The following PTPRM variants were observed in gnomAD, a reference collection of about 807,000 sequenced individuals.
PTPRM encodes the protein receptor-type tyrosine-protein phosphatase mu.
In PTPRM, 47 loss-of-function variants were observed where a neutral mutation model predicts 186.7. The ratio of observed to expected loss-of-function variants is 0.25; its 90% CI spans 0.20 to 0.32. The LOEUF (loss-of-function observed/expected upper bound fraction) is 0.32, where lower values mean the gene tolerates loss of function less well. Ranked by LOEUF, PTPRM falls within the 10% of genes least tolerant of loss-of-function variation. PTPRM has a pLI of 1.00. For synonymous variants in PTPRM, 668 were observed against 674.9 expected, an observed-to-expected ratio of 0.99 and a Z score of 0.16; for missense variants, 1,494 against 1,865.0, an observed-to-expected ratio of 0.80 and a Z score of 3.66.
At chr18:8,233,329 GGTGAT>G (rs1298421485) in intron 14 of PTPRM, among the ~76,000 whole-genome samples, 1 of 152,188 alleles carries the variant, frequency 6.6e-6, no homozygotes, top group Admixed American at 6.5e-5. Context: ...ACCAGCAGTT[GGTGAT>G]GTCAGTGTTT....
intron 4 of PTPRM, among the ~76,000 whole-genome samples, chr18:7,910,495 A>G (rs1022505377): frequency 2.0e-5 from 3 of 152,236 alleles, no homozygotes; most frequent in Non-Finnish European, 4.4e-5. Context: ...AATACCCTCT[A>G]GAGGTTTCCC....
chr18:7,826,684 T>C (rs2045501175), intron 2 of PTPRM, among the ~76,000 whole-genome samples: 1 of 152,226 alleles, frequency 6.6e-6, no homozygotes, highest in East Asian at 1.9e-4. Flanking sequence ...AATACCGAAA[T>C]TTATCAAACA....
At position 7,845,440 on chromosome 18, in the gene PTPRM, A is replaced by G. The variant is rs528015034; in HGVS notation, c.197-42666A>G. On this transcript the variant is annotated intron_variant, in intron 2 of 32. Coordinates refer to ENST00000580170, the MANE Select transcript of PTPRM (RefSeq NM_001105244.2). The stretch of plus-strand genomic sequence containing the variant: ...ACTTTTTTTGTGAAGCAGTGTAACC[A>G]TACTAGTAATAATTTATGTGAAAAG... Among the ~76,000 whole-genome samples the G allele has an allele frequency of 1.0e-3, 152 of 152,270 alleles. 3 individuals are homozygous for G. In the South Asian group the frequency reaches 0.029, roughly 29 times the overall value.
At chr18:8,092,000 G>A (rs749827461) in intron 11 of PTPRM, among the ~76,000 whole-genome samples, 1 of 152,080 alleles carries the variant, frequency 6.6e-6, no homozygotes, top group South Asian at 2.1e-4. Flanking sequence ...GCACAGTATT[G>A]TGTGTTCAAA....
At chr18:7,965,033 CTTTTT>C (rs569596603) in intron 7 of PTPRM, among the ~76,000 whole-genome samples, 3 of 120,228 alleles carry the variant, frequency 2.5e-5, no homozygotes. Flanking sequence ...CACTCTAACA[CTTTTT>C]TTTTTTTTTT....
chr18:8,022,298 T>C (rs569739571), intron 7 of PTPRM, among the ~76,000 whole-genome samples: 1 of 152,326 alleles, frequency 6.6e-6, no homozygotes, highest in East Asian at 1.9e-4. Flanking sequence ...GAAGCCATCA[T>C]ATGGCGCTTA....
intron 1 of PTPRM, among the ~76,000 whole-genome samples, chr18:7,627,683 G>A (rs2038094118): frequency 6.6e-6 from 1 of 152,300 alleles, no homozygotes; most frequent in Admixed American, 6.5e-5. Flanking sequence ...CAGAGGCATG[G>A]GAGTTGAGTA....
At chr18:7,777,822 C>T (rs1047308216) in intron 2 of PTPRM, among the ~76,000 whole-genome samples, 8 of 152,124 alleles carry the variant, frequency 5.3e-5, no homozygotes, top group Non-Finnish European at 1.2e-4. Context: ...GTACCTAAAT[C>T]TTTGTCACAG....
At chr18:7,650,430 A>G (rs1379576645) in intron 1 of PTPRM, among the ~76,000 whole-genome samples, 1 of 145,910 alleles carries the variant, frequency 6.9e-6, no homozygotes, top group Non-Finnish European at 1.5e-5. Flanking sequence ...TGGAAACAAT[A>G]TACAACTTTC....
chr18:8,404,946 C>T (rs955718153), intron 32 of PTPRM: 1 of 152,220 alleles, frequency 6.6e-6, no homozygotes, highest in Non-Finnish European at 1.5e-5. Context: ...TCAGCCAGGA[C>T]CTTGTGCAGA....
rs751320922 is a variant in PTPRM, at chr18:8,314,745, T to C, written c.2843-36T>C. On this transcript the variant is annotated intron_variant, in intron 20 of 32. Coordinates refer to ENST00000580170, the MANE Select transcript of PTPRM (RefSeq NM_001105244.2). ...TCAGAGCCACCTACCAGATTGCTTT[T>C]GTTAATCGTTATTTTCTGTCCCTTT... 3 of 1,559,372 alleles carry C rather than the reference T, an allele frequency of 1.9e-6. No homozygotes were observed. In the South Asian group the frequency reaches 3.4e-5, roughly 18 times the overall value.
At chr18:7,732,695 C>CAACACTTTCT (rs2040686464) in intron 1 of PTPRM, among the ~76,000 whole-genome samples, 2 of 151,786 alleles carry the variant, frequency 1.3e-5, no homozygotes, top group Admixed American at 6.6e-5. Context: ...GTTGTAGGAA[C>CAACACTTTCT]GGAGTCTCAC....
intron 2 of PTPRM, among the ~76,000 whole-genome samples, chr18:7,866,426 G>A (rs1260165168): frequency 2.6e-5 from 4 of 152,138 alleles, no homozygotes; most frequent in Non-Finnish European, 5.9e-5. Flanking sequence ...ACTTATTTCT[G>A]CTTTAATTTT....
chr18:7,573,782 G>A lies in PTPRM; in HGVS notation c.73+5891G>A, dbSNP rs2036619863. Among the ~76,000 whole-genome samples, 3 of 151,750 alleles carry A rather than the reference G, an allele frequency of 2.0e-5. No individual in the cohort carries two copies. The South Asian group carries it at 6.2e-4, about 32-fold the overall frequency. Reference sequence around the variant, plus strand: ...TTTTTGTATTTTTAGTAGAGACGGGGTTTCACCATGTTGGCCATGGCTGGT... The same window carrying A: ...TTTTTGTATTTTTAGTAGAGACGGGATTTCACCATGTTGGCCATGGCTGGT... On this transcript the variant is annotated intron_variant, in intron 1 of 32. Coordinates refer to ENST00000580170, the MANE Select transcript of PTPRM (RefSeq NM_001105244.2).
chr18:8,363,288 A>T (rs1000700782), intron 23 of PTPRM, among the ~76,000 whole-genome samples: 5 of 152,196 alleles, frequency 3.3e-5, no homozygotes, highest in Non-Finnish European at 2.9e-5. Flanking sequence ...TAGCGTTAGG[A>T]GTTGGAATCG....
At chr18:7,772,374 T>G (rs1268983481) in intron 1 of PTPRM, among the ~76,000 whole-genome samples, 17 of 123,680 alleles carry the variant, frequency 1.4e-4, no homozygotes, top group Non-Finnish European at 2.8e-4. Context: ...TTTCTTTCTT[T>G]CTTTCTTTCT....
chr18:8,363,833 T>G (rs1263743722), intron 23 of PTPRM, among the ~76,000 whole-genome samples: 1 of 152,214 alleles, frequency 6.6e-6, no homozygotes, highest in Non-Finnish European at 1.5e-5. Context: ...GGATAACACT[T>G]AAAATTCCAC....
rs541583506 is a variant in PTPRM at position 7,830,534 on chromosome 18, A to C, written c.196+56263A>C. Among the ~76,000 whole-genome samples, 8 of 152,170 alleles carry C rather than the reference A, an allele frequency of 5.3e-5. No individual in the cohort carries two copies. The South Asian group carries it at 1.5e-3, about 28-fold the overall frequency. Reference sequence around the variant, plus strand: ...TATTGCTCCAACCACCATCATATATATGGTCTGTCACATGCAGTCTGCTGT... The same window carrying C: ...TATTGCTCCAACCACCATCATATATCTGGTCTGTCACATGCAGTCTGCTGT... On this transcript the variant is annotated intron_variant, in intron 2 of 32. Transcript: ENST00000580170.
Position 8,378,289 on chromosome 18 carries a change from G to C in PTPRM, c.3487G>C (p.Ala1163Pro). 6 of 1,612,444 alleles carry C rather than the reference G, an allele frequency of 3.7e-6. No homozygotes were observed. Among genetic ancestry groups the C allele is most frequent in the Non-Finnish European group, 5.1e-6 (6 of 1,178,472 alleles). The part of the protein sequence containing the change: ...TEEQYVFIHD[A>P]ILEACLCGDT... ...GGAGCAGTATGTGTTTATCCACGAT[G>C]CGATCCTGGAAGCCTGTCTTTGTGG... The change falls in exon 27 of 33, where the codon GCG becomes CCG. Residue 1163 changes from alanine to proline, a missense_variant. Transcript: ENST00000580170.
Sources: allele counts gnomAD v4.1 joint callset (sites outside exome capture counted in the v4.1 genomes callset), GRCh38; gene constraint gnomAD v4.1.1; transcripts MANE v1.5; gene names NCBI Gene and HGNC (gene_info 2026-07-23, HGNC 2026-07-21).